ECPAS: variants seen among roughly 807,000 people sequenced by gnomAD.
ECPAS encodes proteasome adapter and scaffold protein ECM29.
In ECPAS, 70 loss-of-function variants were observed where a neutral mutation model predicts 255.1. The ratio of observed to expected loss-of-function variants is 0.27; its 90% CI spans 0.23 to 0.33. The LOEUF (loss-of-function observed/expected upper bound fraction) is 0.33, where lower values mean the gene tolerates loss of function less well. Ranked by LOEUF, ECPAS falls within the 10% of genes least tolerant of loss-of-function variation. ECPAS has a pLI of 1.00. For synonymous variants in ECPAS, 784 were observed against 775.0 expected, an observed-to-expected ratio of 1.01 and a Z score of -0.19; for missense variants, 1,817 against 2,206.4, an observed-to-expected ratio of 0.82 and a Z score of 3.54.
rs1032439291 is a variant in ECPAS at position 111,484,143 on chromosome 9, G to C, written c.-110C>G. The C allele has an allele frequency of 6.8e-7, 1 of 1,464,510 alleles. No individual in the cohort carries two copies. Among genetic ancestry groups the C allele is most frequent in the Non-Finnish European group, 9.0e-7 (1 of 1,111,008 alleles). The allele number at this position is 1,464,510 out of a possible 1,614,324, so 90.7% of individuals were successfully genotyped here. A position where few individuals can be genotyped will look rare whatever the true frequency, so the allele number is the denominator to read the frequency against. ...GAGTCGGAGCCGGTCTCCATGCCGC[G>C]GACGCTGCGCTCGGCGCCGCGAGGT... On this transcript the variant is annotated 5_prime_UTR_variant, in exon 1 of 50. Transcript: ENST00000684092.
At chr9:111,394,369 T>A (rs1232419475) in intron 25 of ECPAS, 64 bp from the exon 26 acceptor site, 2 of 1,380,308 alleles carry the variant, frequency 1.4e-6, no homozygotes, top group East Asian at 5.1e-5. Context: ...CCTGAAAAAA[T>A]TAAATTCAAA....
intron 35 of ECPAS, among the ~76,000 whole-genome samples, chr9:111,381,373 G>A (rs777562614): frequency 6.6e-6 from 1 of 152,152 alleles, no homozygotes; most frequent in Non-Finnish European, 1.5e-5. Flanking sequence ...TCTTAAATGG[G>A]TGTAGTTCAT....
At chr9:111,461,948 C>T (rs900589104) in intron 2 of ECPAS, among the ~76,000 whole-genome samples, 4 of 152,276 alleles carry the variant, frequency 2.6e-5, no homozygotes, top group South Asian at 4.1e-4. Context: ...CTCGCTATCA[C>T]GAGAACAGCA....
intron 2 of ECPAS, among the ~76,000 whole-genome samples, chr9:111,472,457 G>A (rs1043912428): frequency 1.2e-4 from 18 of 151,964 alleles, no homozygotes; most frequent in African/African-American, 4.3e-4. Context: ...AGCCTTCATG[G>A]CAAAACCCCA....
chr9:111,371,571 T>C, intron 43 of ECPAS, 50 bp downstream of exon 43: 1 of 1,488,436 alleles, frequency 6.7e-7, no homozygotes, highest in Middle Eastern at 2.3e-4. Context: ...TTATGCAAAA[T>C]GAAAGATGAA....
At chr9:111,398,303 T>C (rs1403945306) in intron 24 of ECPAS, among the ~76,000 whole-genome samples, 3 of 152,236 alleles carry the variant, frequency 2.0e-5, no homozygotes, top group African/African-American at 7.2e-5. Flanking sequence ...TATTTCAACA[T>C]AATCCTTATT....
intron 8 of ECPAS, among the ~76,000 whole-genome samples, chr9:111,432,124 C>A (rs72609709): frequency 0.064 from 9,737 of 152,214 alleles, 458 homozygotes; most frequent in East Asian, 0.2. Flanking sequence ...CATATTTTAA[C>A]AATGATAGAA....
At chr9:111,377,752 G>A (rs2098135069) in intron 36 of ECPAS, among the ~76,000 whole-genome samples, 1 of 152,208 alleles carries the variant, frequency 6.6e-6, no homozygotes, top group Non-Finnish European at 1.5e-5. Context: ...GCTCCTCAGG[G>A]AATGATACTG....
intron 10 of ECPAS, among the ~76,000 whole-genome samples, chr9:111,427,096 G>A (rs1290482049): frequency 1.3e-5 from 2 of 151,272 alleles, no homozygotes; most frequent in African/African-American, 4.9e-5. Flanking sequence ...GGAGGTAGAG[G>A]CTGAGTGAGA....
At chr9:111,421,409 ATGTG>A (rs71372622) in intron 15 of ECPAS, among the ~76,000 whole-genome samples, 11,277 of 143,232 alleles carry the variant, frequency 0.079, 436 homozygotes, top group African/African-American at 0.099. Flanking sequence ...TATTACATAT[ATGTG>A]TGTGTGTGTG....
rs1052706523 is a variant in ECPAS, at chr9:111,372,715, A to C, written c.4337-95T>G. 5.3e-6 allele frequency: 5 copies of C among 935,010 alleles called. No homozygotes were observed. In the African/African-American group the frequency reaches 8.3e-5, roughly 16 times the overall value. The allele number at this position is 935,010 out of a possible 1,614,324, so 57.9% of individuals were successfully genotyped here. On this transcript the variant is annotated intron_variant, in intron 41 of 49. Transcript: ENST00000684092. ...TGTTCAACTCATATAATAGCAAAAC[A>C]AACAGGTAAAATCAATTAGAAATGT... is the stretch of plus-strand genomic sequence containing the variant.
chr9:111,385,117 A>C (rs951291194), intron 33 of ECPAS, among the ~76,000 whole-genome samples: 1 of 152,210 alleles, frequency 6.6e-6, no homozygotes, highest in African/African-American at 2.4e-5. Flanking sequence ...TATTGAAAGA[A>C]GGTATACAGC....
intron 3 of ECPAS, among the ~76,000 whole-genome samples, chr9:111,447,140 T>C (rs80254889): frequency 2.6e-5 from 4 of 151,986 alleles, no homozygotes; most frequent in Non-Finnish European, 5.9e-5. Flanking sequence ...TTTTTTTTTT[T>C]CCGAGACAGG....
intron 23 of ECPAS, 84 bp from the exon 24 acceptor site, chr9:111,408,756 G>C: frequency 1.3e-6 from 1 of 746,082 alleles, no homozygotes; most frequent in Non-Finnish European, 2.1e-6. Flanking sequence ...TGAGATGACA[G>C]GGAAGCGCAG....
chr9:111,368,660 C>G (rs913740427), intron 46 of ECPAS, among the ~76,000 whole-genome samples: 3 of 152,156 alleles, frequency 2.0e-5, no homozygotes, highest in Non-Finnish European at 4.4e-5. Context: ...GGCACAGAGA[C>G]ACCAAAGACC....
rs192258773 is a variant in ECPAS, at chr9:111,392,066, C to T, written c.3093-242G>A. Among the ~76,000 whole-genome samples the T allele has an allele frequency of 1.5e-4, 23 of 152,204 alleles. No individual in the cohort carries two copies. The East Asian group carries it at 4.1e-3, about 27-fold the overall frequency. On this transcript the variant is annotated intron_variant, in intron 28 of 49. Coordinates refer to ENST00000684092, the MANE Select transcript of ECPAS (RefSeq NM_001364929.1). ...CTATTCTGACTAACATGGTGAAACGCCATCTCTACTAAAAATACAAAAAAT... is the reference window on the plus strand; with the variant it reads ...CTATTCTGACTAACATGGTGAAACGTCATCTCTACTAAAAATACAAAAAAT...
Position 111,393,733 on chromosome 9 carries a change from G to C in ECPAS, c.2924C>G (p.Ser975Cys), listed in dbSNP as rs768961594. ...TGCACTTTGAATTTCTTTAAGATGAGACTGAAAGAAGAAAAAAGGCATTAG... is the reference window on the plus strand; with the variant it reads ...TGCACTTTGAATTTCTTTAAGATGACACTGAAAGAAGAAAAAAGGCATTAG... ...RKLSTHKEVK[S>C]HLKEIQSAFV... Residue 975 changes from serine (S) to cysteine (C), a missense_variant and splice_region_variant, in exon 27 of 50, where the codon TCT becomes TGT. By Grantham distance (112) the Ser-to-Cys change is moderately radical (BLOSUM62 -1). Around this residue, in one of 4 missense-constraint regions of ECPAS, gnomAD observed 960 missense variants for 1,179.0 expected, o/e 0.81. Coordinates refer to ENST00000684092, the MANE Select transcript of ECPAS (RefSeq NM_001364929.1). 3.2e-6 allele frequency: 5 copies of C among 1,581,514 alleles called. No homozygotes were observed. Among genetic ancestry groups the C allele is most frequent in the Non-Finnish European group, 4.3e-6 (5 of 1,152,432 alleles).
intron 20 of ECPAS, among the ~76,000 whole-genome samples, chr9:111,412,903 C>T (rs111619396): frequency 7.0e-4 from 106 of 151,932 alleles, no homozygotes; most frequent in African/African-American, 2.5e-3. Flanking sequence ...AAAAAAGAAC[C>T]GCAATATGTA....
chr9:111,414,073 C>T, intron 19 of ECPAS, 87 bp from the exon 20 acceptor site: 1 of 783,936 alleles, frequency 1.3e-6, no homozygotes, highest in Non-Finnish European at 2.0e-6. Flanking sequence ...TATAAGGCCA[C>T]TGCTTTAGCA....
Sources: allele counts gnomAD v4.1 joint callset (sites outside exome capture counted in the v4.1 genomes callset), GRCh38; gene constraint gnomAD v4.1.1; regional missense constraint gnomAD v4.1.1; transcripts MANE v1.5; gene names NCBI Gene and HGNC (gene_info 2026-07-23, HGNC 2026-07-21).